The following PRIMPOL variants were observed in gnomAD, a reference collection of about 807,000 sequenced individuals.
PRIMPOL encodes DNA-directed primase/polymerase protein.
PRIMPOL carries 54 observed loss-of-function variants against 63.6 expected under a neutral mutation model. That is an observed-to-expected ratio of 0.85 (90% CI 0.68 to 1.07). The LOEUF (loss-of-function observed/expected upper bound fraction) is 1.07. PRIMPOL is among the 50% of genes least tolerant of loss of function. PRIMPOL has a pLI of 0.00. For synonymous variants in PRIMPOL, 197 were observed against 220.2 expected (o/e 0.89, Z 0.93); for missense variants, 610 against 648.3 (o/e 0.94, Z 0.64).
intron 11 of PRIMPOL, among the ~76,000 whole-genome samples, chr4:184,686,610 A>G (rs1757031380): frequency 6.6e-6 from 1 of 152,182 alleles, no homozygotes; most frequent in Non-Finnish European, 1.5e-5. Context: ...ATTAGAATAG[A>G]GATAAATAGA....
At position 184,672,468 on chromosome 4, in the gene PRIMPOL, A is replaced by C. The variant is rs760869885; in HGVS notation, c.844+8A>C. On this transcript the variant is annotated splice_region_variant and intron_variant, in intron 7 of 13. Coordinates refer to ENST00000314970, the MANE Select transcript of PRIMPOL (RefSeq NM_152683.4). ...ATCTTTTTGTAGATCTCGGTAAGTAAGATTGACAGCTTTCTCCATCAGACC... is the reference window on the plus strand; with the variant it reads ...ATCTTTTTGTAGATCTCGGTAAGTACGATTGACAGCTTTCTCCATCAGACC... The C allele has an allele frequency of 1.3e-6, 2 of 1,561,308 alleles. No individual in the cohort carries two copies. The highest frequency in any genetic ancestry group is 4.6e-5 in the East Asian group (2 of 43,834).
chr4:184,674,182 T>G (rs944210597), intron 7 of PRIMPOL, among the ~76,000 whole-genome samples: 1 of 152,178 alleles, frequency 6.6e-6, no homozygotes, highest in Non-Finnish European at 1.5e-5. Context: ...TCCCTGGTAC[T>G]CTTGATACAT....
chr4:184,678,483 C>A, intron 8 of PRIMPOL, 89 bp downstream of exon 8: 56 of 785,806 alleles, frequency 7.1e-5, no homozygotes, highest in Non-Finnish European at 8.1e-5. Flanking sequence ...TGTAAATCAT[C>A]TAAATTCATT....
At chr4:184,694,387 A>G in intron 13 of PRIMPOL, 135 bp from the exon 14 acceptor site, 4 of 1,420,416 alleles carry the variant, frequency 2.8e-6, no homozygotes, top group Non-Finnish European at 3.7e-6. Context: ...TATCGGAGAC[A>G]GCATTCCTCC....
At chr4:184,654,853 A>G (rs931439189) in intron 2 of PRIMPOL, among the ~76,000 whole-genome samples, 4 of 152,294 alleles carry the variant, frequency 2.6e-5, no homozygotes, top group South Asian at 4.1e-4. Context: ...CTTTAGAATT[A>G]TATTTCTGTT....
intron 6 of PRIMPOL, among the ~76,000 whole-genome samples, chr4:184,671,445 T>C (rs1267354983): frequency 6.6e-6 from 1 of 152,060 alleles, no homozygotes; most frequent in African/African-American, 2.4e-5. Context: ...TTCTTCATTA[T>C]TATTATTATT....
rs753929128 is a variant in PRIMPOL at position 184,694,807 on chromosome 4, CA to C, written c.*29del. On this transcript the variant is annotated 3_prime_UTR_variant, in exon 14 of 14. Coordinates refer to ENST00000314970, the MANE Select transcript of PRIMPOL (RefSeq NM_152683.4). Reference sequence around the variant, plus strand: ...AATTCACTATGAACACTTTTGTCACCAGGCTATAATTTGCCTGATGTCTGTG... The same window carrying C: ...AATTCACTATGAACACTTTTGTCACCGGCTATAATTTGCCTGATGTCTGTG... 8.9e-6 allele frequency: 14 copies of C among 1,574,746 alleles called. No individual in the cohort carries two copies. Among genetic ancestry groups the C allele is most frequent in the Middle Eastern group, 3.4e-4 (2 of 5,948 alleles).
chr4:184,670,590 C>T (rs1247537351), intron 6 of PRIMPOL, among the ~76,000 whole-genome samples: 14 of 149,104 alleles, frequency 9.4e-5, no homozygotes, highest in Non-Finnish European at 2.1e-4. Context: ...ACTCTGTCAC[C>T]TAGGCTGGAG....
chr4:184,677,579 A>G (rs1381552467), intron 7 of PRIMPOL, among the ~76,000 whole-genome samples: 2 of 152,194 alleles, frequency 1.3e-5, no homozygotes, highest in Non-Finnish European at 2.9e-5. Context: ...AGGAAAAACA[A>G]TTCCTCTAAG....
At chr4:184,665,581 G>A (rs995431484) in intron 5 of PRIMPOL, among the ~76,000 whole-genome samples, 1 of 146,616 alleles carries the variant, frequency 6.8e-6, no homozygotes, top group African/African-American at 2.6e-5. Flanking sequence ...TTGGCTGACT[G>A]CAATCTCCGC....
At position 184,676,307 on chromosome 4, in the gene PRIMPOL, TTCCCC is replaced by T. The variant is rs1753316384; in HGVS notation, c.845-1920_845-1916del. On this transcript the variant is annotated intron_variant, in intron 7 of 13. Transcript: ENST00000314970. The stretch of plus-strand genomic sequence containing the variant: ...TCTTTCTTCCCTCCCCTCCCCTGCC[TTCCCC>T]TCCCTTCCCTTTCCTTCCCTTCCCT... Among the ~76,000 whole-genome samples, 4 of 102,266 alleles carry T rather than the reference TTCCCC, an allele frequency of 3.9e-5. No individual in the cohort carries two copies. In the South Asian group the frequency reaches 1.5e-3, roughly 39 times the overall value. 67.1% of individuals were successfully genotyped at this position (102,266 alleles called of 152,430 possible).
At chr4:184,686,141 A>G (rs1464065549) in intron 11 of PRIMPOL, among the ~76,000 whole-genome samples, 1 of 152,368 alleles carries the variant, frequency 6.6e-6, no homozygotes, top group East Asian at 1.9e-4. Context: ...TTAGCATTAC[A>G]TAATATTTAA....
intron 6 of PRIMPOL, among the ~76,000 whole-genome samples, chr4:184,668,675 C>T (rs77368642): frequency 0.015 from 2,290 of 152,260 alleles, 24 homozygotes; most frequent in Non-Finnish European, 0.021. Flanking sequence ...AACCCTAAGC[C>T]TTACTTGGAT....
intron 7 of PRIMPOL, among the ~76,000 whole-genome samples, chr4:184,673,156 G>C (rs1752298370): frequency 6.8e-6 from 1 of 148,080 alleles, no homozygotes; most frequent in African/African-American, 2.5e-5. Context: ...TTGAGACGGA[G>C]TCCCGCTCTT....
chr4:184,654,855 A>T (rs991248080), intron 2 of PRIMPOL, among the ~76,000 whole-genome samples: 12 of 152,106 alleles, frequency 7.9e-5, no homozygotes, highest in African/African-American at 2.9e-4. Context: ...TTAGAATTAT[A>T]TTTCTGTTTC....
At chr4:184,683,542 T>C (rs1756217689) in intron 9 of PRIMPOL, among the ~76,000 whole-genome samples, 1 of 152,224 alleles carries the variant, frequency 6.6e-6, no homozygotes, top group Non-Finnish European at 1.5e-5. Context: ...TTTTTCACTC[T>C]TCTGTCCATG....
chr4:184,674,263 A>T (rs1752706803), intron 7 of PRIMPOL, among the ~76,000 whole-genome samples: 1 of 152,262 alleles, frequency 6.6e-6, no homozygotes, highest in African/African-American at 2.4e-5. Flanking sequence ...GGAAAAGTTC[A>T]GAGATTTCAT....
chr4:184,667,916 G>C (rs934074168), intron 6 of PRIMPOL, among the ~76,000 whole-genome samples: 1 of 152,134 alleles, frequency 6.6e-6, no homozygotes, highest in Non-Finnish European at 1.5e-5. Flanking sequence ...CTAGGTGCAT[G>C]AGCCGTGTGG....
chr4:184,678,494 C>A, intron 8 of PRIMPOL, 100 bp downstream of exon 8: 44 of 706,642 alleles, frequency 6.2e-5, no homozygotes, highest in Non-Finnish European at 9.4e-5. Context: ...TAAATTCATT[C>A]TACCTTAAGA....
Sources: gnomAD v4.1 joint callset for allele counts (sites outside exome capture counted in the v4.1 genomes callset) on GRCh38, gnomAD v4.1.1 for gene constraint, MANE v1.5 for transcripts, NCBI Gene and HGNC (gene_info 2026-07-23, HGNC 2026-07-21) for gene names.